PPP2R5C: variants seen among roughly 807,000 people sequenced by gnomAD.
PPP2R5C encodes the protein serine/threonine-protein phosphatase 2A 56 kDa regulatory subunit gamma isoform.
A neutral mutation model predicts 68.9 loss-of-function variants in PPP2R5C; 7 were observed. The observed-to-expected ratio is 0.10, with a 90% confidence interval of 0.06 to 0.19. The LOEUF (loss-of-function observed/expected upper bound fraction) is 0.19. PPP2R5C is among the 10% of genes least tolerant of loss of function. The pLI, the probability that PPP2R5C is intolerant of heterozygous loss-of-function variation, is 1.00. For synonymous variants in PPP2R5C, 210 were observed against 222.2 expected (o/e 0.95, Z 0.49); for missense variants, 348 against 641.3 (o/e 0.54, Z 4.94).
At chr14:101,851,173 G>C (rs1424917960) in intron 1 of PPP2R5C, among the ~76,000 whole-genome samples, 1 of 152,148 alleles carries the variant, frequency 6.6e-6, no homozygotes, top group Non-Finnish European at 1.5e-5. Flanking sequence ...GCTCACACCC[G>C]TCATCCCAAC....
chr14:101,920,427 G>A (rs2046945675), intron 13 of PPP2R5C, among the ~76,000 whole-genome samples: 1 of 152,218 alleles, frequency 6.6e-6, no homozygotes, highest in Non-Finnish European at 1.5e-5. Flanking sequence ...CCTGTAGCAT[G>A]TCTGCTTCCT....
intron 2 of PPP2R5C, among the ~76,000 whole-genome samples, chr14:101,860,763 C>T (rs79465803): frequency 0.013 from 1,940 of 152,218 alleles, 43 homozygotes; most frequent in African/African-American, 0.045. Flanking sequence ...GTGCATTTCT[C>T]GACAACCAGT....
At chr14:101,802,569 G>T (rs1392392467) in intron 3 of PPP2R5C, among the ~76,000 whole-genome samples, 1 of 152,154 alleles carries the variant, frequency 6.6e-6, no homozygotes. Context: ...GGATTTGACA[G>T]TGATTTCTTG....
chr14:101,764,029 G>GTGTGTGTGTGTGT (rs113858606), intron 2 of PPP2R5C, among the ~76,000 whole-genome samples: 1 of 150,806 alleles, frequency 6.6e-6, no homozygotes, highest in East Asian at 1.9e-4. Flanking sequence ...GTGTGTGTGT[G>GTGTGTGTGTGTGT]GGCGCGCGCA....
chr14:101,786,051 G>T, exon 3 of PPP2R5C: 3 of 1,539,724 alleles, frequency 1.9e-6, no homozygotes, highest in Non-Finnish European at 2.6e-6. Context: ...CCTTGTTGCT[G>T]TCCCGTCTAC....
chr14:101,857,907 T>A (rs2042520168), intron 2 of PPP2R5C, among the ~76,000 whole-genome samples: 1 of 152,230 alleles, frequency 6.6e-6, no homozygotes, highest in African/African-American at 2.4e-5. Flanking sequence ...ATACTTTTAT[T>A]TCCTTCTTTA....
intron 2 of PPP2R5C, among the ~76,000 whole-genome samples, chr14:101,769,735 A>G (rs1378409669): frequency 6.6e-6 from 1 of 152,178 alleles, no homozygotes; most frequent in East Asian, 1.9e-4. Context: ...GTGTAGTCTC[A>G]TAAGATCTTG....
chr14:101,921,325 A>C (rs2046994041), intron 13 of PPP2R5C: 1 of 155,222 alleles, frequency 6.4e-6, no homozygotes, highest in Admixed American at 6.5e-5. Context: ...TGGCCTCCCA[A>C]AGTGCTGGGA....
At chr14:101,806,852 TGCAGGAGGCTGAG>T (rs1443478971), upstream of PPP2R5C, among the ~76,000 whole-genome samples, 6 of 152,228 alleles carry the variant, frequency 3.9e-5, no homozygotes, top group Admixed American at 2.6e-4. Context: ...GTCCCAGCTC[TGCAGGAGGCTGAG>T]GCAGGAGGAT....
At chr14:101,839,888 G>C (rs928398125) in intron 1 of PPP2R5C, among the ~76,000 whole-genome samples, 1 of 152,148 alleles carries the variant, frequency 6.6e-6, no homozygotes, top group African/African-American at 2.4e-5. Flanking sequence ...GCGCTCGTCC[G>C]CACACACTCG....
intron 3 of PPP2R5C, chr14:101,883,046 T>TA (rs2044258879): frequency 2.0e-6 from 1 of 508,040 alleles, no homozygotes. Context: ...AAATGCCGTT[T>TA]AAGGGTGTAG....
intron 3 of PPP2R5C, among the ~76,000 whole-genome samples, chr14:101,796,076 G>A (rs919583769): frequency 1.3e-5 from 2 of 152,036 alleles, no homozygotes; most frequent in South Asian, 2.1e-4. Flanking sequence ...ACCCACCTCC[G>A]CCTCCCAAAG....
intron 11 of PPP2R5C, 110 bp from the exon 14 acceptor site, chr14:101,912,291 G>C: frequency 2.5e-6 from 2 of 805,636 alleles, no homozygotes; most frequent in East Asian, 2.9e-5. Flanking sequence ...GAGCAGGGGG[G>C]CTGCGGGAGG....
rs759978090 is a variant in PPP2R5C, at chr14:101,891,590, C to T, written c.689+1294C>T. ...ACATGTGTTCCACAGCCCGCCATGC[C>T]GTGTGCGTAGGGCCCCCGTGTGCAT... is the stretch of plus-strand genomic sequence containing the variant. On this transcript the variant is annotated intron_variant, in intron 6 of 13. Transcript: ENST00000334743. The surrounding 1 kb of genome is among the most constrained non-coding windows in gnomAD (Gnocchi z 4.9). 5.3e-5 allele frequency among the ~76,000 whole-genome samples: 8 copies of T among 152,242 alleles called. No individual in the cohort carries two copies. The highest frequency in any genetic ancestry group is 2.0e-4 in the Admixed American group (3 of 15,306).
At chr14:101,812,683 T>C (rs2039437411) in intron 1 of PPP2R5C, among the ~76,000 whole-genome samples, 1 of 152,242 alleles carries the variant, frequency 6.6e-6, no homozygotes, top group Non-Finnish European at 1.5e-5. Context: ...GTATAACAGT[T>C]TTGTACCTTG....
upstream of PPP2R5C, among the ~76,000 whole-genome samples, chr14:101,761,566 G>A (rs981986107): frequency 2.8e-5 from 4 of 143,090 alleles, no homozygotes; most frequent in African/African-American, 1.0e-4. Context: ...GTTGAGTGCA[G>A]CGGGGCGGGG....
chr14:101,838,265 AAGG>A (rs2041244764), intron 1 of PPP2R5C, among the ~76,000 whole-genome samples: 1 of 152,206 alleles, frequency 6.6e-6, no homozygotes, highest in Non-Finnish European at 1.5e-5. Flanking sequence ...GTGGTGGAAA[AAGG>A]AGAGAAATCA....
At chr14:101,810,267 T>C in intron 1 of PPP2R5C, 1 of 464,694 alleles carries the variant, frequency 2.2e-6, no homozygotes, top group Non-Finnish European at 3.9e-6. Context: ...AAGCTGGTTT[T>C]TCTGCTTTCT....
At chr14:101,905,384 C>T (rs1255493372) in intron 9 of PPP2R5C, among the ~76,000 whole-genome samples, 3 of 139,606 alleles carry the variant, frequency 2.1e-5, no homozygotes, top group Non-Finnish European at 3.1e-5. Flanking sequence ...ATGGGCTAGG[C>T]GTGGTAGCTC....
Sources: gnomAD v4.1 joint callset for allele counts (sites outside exome capture counted in the v4.1 genomes callset) on GRCh38, gnomAD v4.1.1 for gene constraint, Gnocchi (gnomAD v3.1) non-coding constraint, MANE v1.5 for transcripts, NCBI Gene and HGNC (gene_info 2026-07-23, HGNC 2026-07-21) for gene names.